Variants in LRRC7 observed in about 807,000 individuals in gnomAD.
The protein encoded by LRRC7 is leucine-rich repeat-containing protein 7.
In LRRC7, 23 loss-of-function variants were observed where a neutral mutation model predicts 175.7. The observed-to-expected ratio is 0.13, with a 90% CI of 0.09 to 0.19. The LOEUF is 0.19. Among genes scored for constraint, LRRC7 ranks in the 10% least tolerant of loss-of-function variants. The pLI, the probability that LRRC7 is intolerant of heterozygous loss-of-function variation, is 1.00. For synonymous variants in LRRC7, 685 were observed against 680.9 expected, an observed-to-expected ratio of 1.01 and a Z score of -0.09; for missense variants, 1,354 against 1,904.7, an observed-to-expected ratio of 0.71 and a Z score of 5.38.
At chr1:69,951,349 A>G (rs983518426) in intron 8 of LRRC7, among the ~76,000 whole-genome samples, 32 of 152,160 alleles carry the variant, frequency 2.1e-4, no homozygotes, top group Non-Finnish European at 4.0e-4. Context: ...GATACTGTAA[A>G]TTAGTTCAAC....
chr1:70,061,450 A>G (rs891807686), intron 23 of LRRC7, among the ~76,000 whole-genome samples: 3 of 152,182 alleles, frequency 2.0e-5, no homozygotes, highest in Non-Finnish European at 4.4e-5. Context: ...ACAGCATATT[A>G]TGCTGAGGCT....
intron 7 of LRRC7, among the ~76,000 whole-genome samples, chr1:69,886,134 C>T (rs916967430): frequency 1.1e-4 from 17 of 151,632 alleles, no homozygotes; most frequent in African/African-American, 2.4e-4. Flanking sequence ...CTATTAGGTC[C>T]GGTTGGTGCA....
intron 2 of LRRC7, among the ~76,000 whole-genome samples, chr1:69,734,202 A>G (rs547774636): frequency 6.6e-6 from 1 of 152,064 alleles, no homozygotes; most frequent in South Asian, 2.1e-4. Context: ...GTCAAAATAA[A>G]GAAAATTTAA....
intron 1 of LRRC7, among the ~76,000 whole-genome samples, chr1:69,596,113 A>G (rs1008055824): frequency 6.6e-6 from 1 of 152,106 alleles, no homozygotes; most frequent in Non-Finnish European, 1.5e-5. Context: ...GCTTTAAAGC[A>G]TAAGACTTCT....
intron 8 of LRRC7, among the ~76,000 whole-genome samples, chr1:69,975,639 C>T (rs1652737406): frequency 6.6e-6 from 1 of 152,202 alleles, no homozygotes; most frequent in African/African-American, 2.4e-5. Context: ...TCCCCAACTG[C>T]TGATGTATAC....
intron 2 of LRRC7, among the ~76,000 whole-genome samples, chr1:69,732,676 A>G (rs1238207385): frequency 6.6e-6 from 1 of 152,104 alleles, no homozygotes; most frequent in Non-Finnish European, 1.5e-5. Context: ...GGCTTTATAT[A>G]TACTTGCAAT....
At chr1:69,604,640 A>AT (rs1342637936) in intron 1 of LRRC7, among the ~76,000 whole-genome samples, 4 of 151,980 alleles carry the variant, frequency 2.6e-5, no homozygotes, top group African/African-American at 9.7e-5. Flanking sequence ...TTTTGGCATC[A>AT]TTTTTTATTG....
chr1:69,865,710 G>C (rs1390652435), intron 7 of LRRC7, among the ~76,000 whole-genome samples: 1 of 151,844 alleles, frequency 6.6e-6, no homozygotes, highest in East Asian at 1.9e-4. Context: ...TTGATCTCCT[G>C]ACCTCGTGAT....
intron 2 of LRRC7, among the ~76,000 whole-genome samples, chr1:69,730,189 A>G (rs1164955430): frequency 3.3e-5 from 5 of 152,158 alleles, no homozygotes; most frequent in Non-Finnish European, 4.4e-5. Flanking sequence ...AGGGGCTGCC[A>G]TGAGGGTCTC....
chr1:69,726,107 T>C (rs1570526783), intron 2 of LRRC7, among the ~76,000 whole-genome samples: 2 of 152,178 alleles, frequency 1.3e-5, no homozygotes. Flanking sequence ...AATACATTCA[T>C]ACACACATTT....
intron 1 of LRRC7, among the ~76,000 whole-genome samples, chr1:69,646,975 C>T (rs1655092470): frequency 6.6e-6 from 1 of 151,830 alleles, no homozygotes; most frequent in Admixed American, 6.6e-5. Context: ...TGGCCTACGT[C>T]ATTCTAAAGA....
intron 1 of LRRC7, among the ~76,000 whole-genome samples, chr1:69,675,779 T>C (rs1659678263): frequency 6.6e-6 from 1 of 152,050 alleles, no homozygotes; most frequent in Non-Finnish European, 1.5e-5. Flanking sequence ...AGAAGCTTAA[T>C]CTTCACCCCG....
At chr1:69,781,843 AAGGG>A (rs1259121557) in intron 3 of LRRC7, among the ~76,000 whole-genome samples, 5 of 89,292 alleles carry the variant, frequency 5.6e-5, no homozygotes, top group Non-Finnish European at 9.0e-5. Context: ...GGAAGGAAGG[AAGGG>A]AGAGAAAGAA....
chr1:70,049,288 C>T (rs1660572813), intron 22 of LRRC7, among the ~76,000 whole-genome samples: 1 of 152,026 alleles, frequency 6.6e-6, no homozygotes, highest in Admixed American at 6.6e-5. Context: ...AATATTTGCA[C>T]CTAAACTATT....
At chr1:69,832,223 A>C (rs2101304168) in intron 5 of LRRC7, among the ~76,000 whole-genome samples, 1 of 152,284 alleles carries the variant, frequency 6.6e-6, no homozygotes, top group East Asian at 1.9e-4. Context: ...TACCAGGGTT[A>C]TCAAACACAA....
chr1:69,749,778 A>G (rs1463446500), intron 2 of LRRC7, among the ~76,000 whole-genome samples: 1 of 152,068 alleles, frequency 6.6e-6, no homozygotes, highest in African/African-American at 2.4e-5. Flanking sequence ...AGGGAAGTAG[A>G]AGGTAGAAAA....
intron 7 of LRRC7, among the ~76,000 whole-genome samples, chr1:69,910,838 G>T (rs1305888393): frequency 6.6e-6 from 1 of 152,206 alleles, no homozygotes; most frequent in Non-Finnish European, 1.5e-5. Context: ...CTTGAGCTGT[G>T]GTGGGCTCCA....
chr1:70,128,506 T>C lies in LRRC7; in HGVS notation c.*6619T>C, dbSNP rs1246742826. On this transcript the variant is annotated 3_prime_UTR_variant, in exon 27 of 27. Transcript: ENST00000651989. ...AGTATCTTAGTACAGGGAACTTTAT[T>C]TTCATAGCAAACTCTTGTACTTCCT... 1.3e-5 allele frequency: 2 copies of C among 152,202 alleles called. No homozygotes were observed. 9.4% of individuals were successfully genotyped at this position (152,202 alleles called of 1,614,324 possible).
chr1:69,585,236 A>G (rs1251922769), intron 1 of LRRC7, among the ~76,000 whole-genome samples: 3 of 147,420 alleles, frequency 2.0e-5, no homozygotes, highest in Non-Finnish European at 3.0e-5. Context: ...CATAATATAT[A>G]TACTTTTCTT....
Sources: gnomAD v4.1 joint callset for allele counts (sites outside exome capture counted in the v4.1 genomes callset) on GRCh38, gnomAD v4.1.1 for gene constraint, MANE v1.5 for transcripts, NCBI Gene and HGNC (gene_info 2026-07-23, HGNC 2026-07-21) for gene names.